SPIRE1: variants seen among roughly 807,000 people sequenced by gnomAD.
The protein encoded by SPIRE1 is protein spire homolog 1.
A neutral mutation model predicts 94.1 loss-of-function variants in SPIRE1; 40 were observed. The ratio of observed to expected loss-of-function variants is 0.43; its 90% confidence interval spans 0.33 to 0.55. SPIRE1 has a LOEUF of 0.55. SPIRE1 is among the 20% of genes least tolerant of loss of function. The probability of loss-of-function intolerance (pLI) is 0.06; values close to 1 mark genes in which losing one functional copy is unlikely to be tolerated. For missense variants in SPIRE1, 838 were observed against 975.2 expected (o/e 0.86, Z 1.87); for synonymous variants, 376 against 371.7 (o/e 1.01, Z -0.13).
intron 2 of SPIRE1, among the ~76,000 whole-genome samples, chr18:12,590,212 T>C (rs2036493704): frequency 6.6e-6 from 1 of 151,996 alleles, no homozygotes; most frequent in South Asian, 2.1e-4. Context: ...CTTAGCCTCC[T>C]AAGTATCTGA....
At chr18:12,471,406 C>T (rs143484367) in intron 10 of SPIRE1, among the ~76,000 whole-genome samples, 25 of 145,908 alleles carry the variant, frequency 1.7e-4, no homozygotes, top group African/African-American at 6.4e-4. Context: ...TTTTTGGACA[C>T]TAGAGTCTTG....
chr18:12,502,564 C>T (rs1404658439), intron 6 of SPIRE1, among the ~76,000 whole-genome samples: 1 of 152,112 alleles, frequency 6.6e-6, no homozygotes, highest in Non-Finnish European at 1.5e-5. Flanking sequence ...TACAACCCTT[C>T]TGGAGAGAAC....
chr18:12,476,564 A>AAAAATATATATATAT (rs1568194404), intron 10 of SPIRE1, among the ~76,000 whole-genome samples: 1 of 69,842 alleles, frequency 1.4e-5, no homozygotes, highest in African/African-American at 7.6e-5. Context: ...AAAAAAAAAA[A>AAAAATATATATATAT]ATATATATAT....
chr18:12,617,295 A>G (rs1289298380), intron 2 of SPIRE1, among the ~76,000 whole-genome samples: 29 of 144,292 alleles, frequency 2.0e-4, no homozygotes, highest in Admixed American at 1.1e-3. Flanking sequence ...GATCACTGCA[A>G]CCTCCGCCTC....
intron 4 of SPIRE1, 44 bp from the exon 5 acceptor site, chr18:12,512,575 T>A (rs567709): frequency 8.3e-7 from 1 of 1,206,330 alleles, no homozygotes; most frequent in Non-Finnish European, 1.2e-6. Context: ...CATTAAGTTA[T>A]CTTCTCAAAT....
At chr18:12,528,076 A>T (rs186356649) in intron 4 of SPIRE1, among the ~76,000 whole-genome samples, 296 of 151,106 alleles carry the variant, frequency 2.0e-3, no homozygotes, top group African/African-American at 6.9e-3. Context: ...AAAAAAAGTT[A>T]AAGGCTTAGA....
At chr18:12,550,656 G>A (rs2035321853) in intron 2 of SPIRE1, among the ~76,000 whole-genome samples, 1 of 151,980 alleles carries the variant, frequency 6.6e-6, no homozygotes, top group African/African-American at 2.4e-5. Context: ...GCCACTATCT[G>A]TAATGCGCCC....
chr18:12,481,359 G>A (rs2032836655), intron 9 of SPIRE1, among the ~76,000 whole-genome samples: 1 of 149,466 alleles, frequency 6.7e-6, no homozygotes, highest in South Asian at 2.1e-4. Flanking sequence ...AAGTACGAGA[G>A]GTAGAGCTCC....
intron 2 of SPIRE1, among the ~76,000 whole-genome samples, chr18:12,549,027 C>T (rs1274912931): frequency 6.6e-6 from 1 of 152,204 alleles, no homozygotes; most frequent in African/African-American, 2.4e-5. Context: ...TGTCCACCAG[C>T]CTGTTCAGGA....
At position 12,559,186 on chromosome 18, in the gene SPIRE1, G is replaced by C. The variant is rs2035611792; in HGVS notation, c.373-12282C>G. 1.3e-5 allele frequency among the ~76,000 whole-genome samples: 2 copies of C among 151,706 alleles called. No individual in the cohort carries two copies. The highest frequency in any genetic ancestry group is 4.2e-4 in the South Asian group (2 of 4,814). On this transcript the variant is annotated intron_variant, in intron 2 of 16. Coordinates refer to ENST00000409402, the MANE Select transcript of SPIRE1 (RefSeq NM_001128626.2). This position sits in a 1 kb window ranked among gnomAD's most constrained non-coding sequence, Gnocchi z 4.7. ...CTTAGGAGCCCACGGGGTGGGGTGG[G>C]GTGGGGGGGCGCCGGCATGGCAGGC...
intron 9 of SPIRE1, among the ~76,000 whole-genome samples, chr18:12,481,285 C>T (rs1242307748): frequency 7.7e-6 from 1 of 130,126 alleles, no homozygotes; most frequent in Non-Finnish European, 1.6e-5. Context: ...AACCCCCGCC[C>T]CCCGCAAGAA....
intron 2 of SPIRE1, among the ~76,000 whole-genome samples, chr18:12,593,707 T>C (rs2036593329): frequency 6.6e-6 from 1 of 152,136 alleles, no homozygotes; most frequent in African/African-American, 2.4e-5. Flanking sequence ...CCCAGCACTT[T>C]GGGAGGCCGA....
chr18:12,535,412 C>T (rs1317446516), intron 4 of SPIRE1, 64 bp downstream of exon 4: 10 of 1,539,342 alleles, frequency 6.5e-6, no homozygotes, highest in Non-Finnish European at 8.8e-6. Flanking sequence ...GGTTTCTCTT[C>T]CAACAAATAT....
chr18:12,636,120 T>C (rs1192759954), intron 1 of SPIRE1, among the ~76,000 whole-genome samples: 2 of 152,188 alleles, frequency 1.3e-5, no homozygotes, highest in Admixed American at 1.3e-4. Context: ...CTCGAACTCC[T>C]GACCTCAAGT....
At chr18:12,451,192 C>T (rs540282141) in intron 16 of SPIRE1, 239 of 230,754 alleles carry the variant, frequency 1.0e-3, no homozygotes, top group Non-Finnish European at 1.5e-3. Context: ...GGTCAGACTA[C>T]GGGAAATTCA....
chr18:12,466,096 G>T (rs1002377736), intron 10 of SPIRE1, among the ~76,000 whole-genome samples: 52 of 150,510 alleles, frequency 3.5e-4, no homozygotes, highest in African/African-American at 1.2e-3. Context: ...AAAAAAAAAA[G>T]AAAAAGAAAA....
intron 2 of SPIRE1, among the ~76,000 whole-genome samples, chr18:12,593,883 C>G (rs533085327): frequency 1.3e-5 from 2 of 151,426 alleles, no homozygotes; most frequent in African/African-American, 4.9e-5. Flanking sequence ...ACCCGGGAGG[C>G]GGAGCTTGCG....
At chr18:12,654,365 G>C (rs1246644557) in intron 1 of SPIRE1, among the ~76,000 whole-genome samples, 2 of 141,622 alleles carry the variant, frequency 1.4e-5, no homozygotes, top group Non-Finnish European at 3.1e-5. Context: ...AAAAAAATTT[G>C]GCTGGGCACG....
intron 4 of SPIRE1, among the ~76,000 whole-genome samples, chr18:12,519,028 A>G (rs1222210020): frequency 6.6e-6 from 1 of 152,210 alleles, no homozygotes; most frequent in Non-Finnish European, 1.5e-5. Flanking sequence ...TATGATTTAT[A>G]TTTGTGTCAA....
Sources: allele counts gnomAD v4.1 joint callset (sites outside exome capture counted in the v4.1 genomes callset), GRCh38; gene constraint gnomAD v4.1.1; non-coding constraint Gnocchi (gnomAD v3.1); transcripts MANE v1.5; gene names NCBI Gene and HGNC (gene_info 2026-07-23, HGNC 2026-07-21).